ANO3: variants seen among roughly 807,000 people sequenced by gnomAD.
ANO3 encodes anoctamin-3.
Under a neutral mutation model 144.8 loss-of-function variants are expected in ANO3, and 99 were observed. That is an observed-to-expected ratio of 0.68 (90% CI 0.58 to 0.81). The LOEUF (loss-of-function observed/expected upper bound fraction) is 0.81, where lower values mean the gene tolerates loss of function less well. ANO3 is among the 30% of genes least tolerant of loss of function. ANO3 has a pLI of 0.00. For missense variants in ANO3, 905 were observed against 1,202.2 expected, an observed-to-expected ratio of 0.75 and a Z score of 3.66; for synonymous variants, 414 against 392.6, an observed-to-expected ratio of 1.05 and a Z score of -0.64.
At chr11:26,280,837 G>A (rs2133844195) in intron 1 of ANO3, among the ~76,000 whole-genome samples, 1 of 152,248 alleles carries the variant, frequency 6.6e-6, no homozygotes, top group Middle Eastern at 3.4e-3. Context: ...TGCTATACTT[G>A]GTTCTTGACA....
chr11:26,332,204 A>G lies in ANO3; in HGVS notation c.-72A>G. 1.2e-6 allele frequency: 2 copies of G among 1,613,806 alleles called. No individual in the cohort carries two copies. Among genetic ancestry groups the G allele is most frequent in the South Asian group, 1.1e-5 (1 of 91,062 alleles). On this transcript the variant is annotated 5_prime_UTR_variant, in exon 1 of 27. Transcript: ENST00000256737. ...TGAGGCTCCGGACCTTGGAGCGTCTAGAGTCTGGCTACTGTTCCTCCGCCT... is the reference window on the plus strand; with the variant it reads ...TGAGGCTCCGGACCTTGGAGCGTCTGGAGTCTGGCTACTGTTCCTCCGCCT...
intron 1 of ANO3, among the ~76,000 whole-genome samples, chr11:26,265,440 C>T (rs1407650240): frequency 6.6e-6 from 1 of 152,152 alleles, no homozygotes; most frequent in South Asian, 2.1e-4. Context: ...GGAACCTAAC[C>T]TAATAGATTC....
chr11:26,489,033 A>G (rs1339657612), intron 4 of ANO3, among the ~76,000 whole-genome samples: 2 of 152,194 alleles, frequency 1.3e-5, no homozygotes, highest in African/African-American at 4.8e-5. Flanking sequence ...TCCCTTAGCT[A>G]GACACAAAAG....
chr11:26,219,804 T>C (rs917876984), intron 1 of ANO3, among the ~76,000 whole-genome samples: 1 of 152,112 alleles, frequency 6.6e-6, no homozygotes, highest in African/African-American at 2.4e-5. Context: ...CATAACAAGC[T>C]GGTCCATCAA....
At chr11:26,486,360 C>CAA (rs10681114) in intron 4 of ANO3, among the ~76,000 whole-genome samples, 2,024 of 74,250 alleles carry the variant, frequency 0.027, 67 homozygotes, top group Non-Finnish European at 0.039. Flanking sequence ...GACTCTGTCT[C>CAA]AAAAAAAAAA....
chr11:26,232,994 G>A (rs543758762), intron 1 of ANO3, among the ~76,000 whole-genome samples: 1 of 152,268 alleles, frequency 6.6e-6, no homozygotes, highest in East Asian at 1.9e-4. Flanking sequence ...GAGGCAGGCG[G>A]ATCACGAGGT....
chr11:26,362,254 C>T (rs967800152), intron 1 of ANO3, among the ~76,000 whole-genome samples: 1 of 152,152 alleles, frequency 6.6e-6, no homozygotes, highest in Admixed American at 6.5e-5. Flanking sequence ...ATAATAAAAA[C>T]TTTATGTGTC....
intron 1 of ANO3, among the ~76,000 whole-genome samples, chr11:26,342,064 C>G (rs1318752808): frequency 2.0e-5 from 3 of 152,136 alleles, no homozygotes. Flanking sequence ...TCCTTTAACC[C>G]AGTCAAGTTG....
At chr11:26,217,683 G>A (rs753491860) in intron 1 of ANO3, among the ~76,000 whole-genome samples, 1 of 152,028 alleles carries the variant, frequency 6.6e-6, no homozygotes, top group African/African-American at 2.4e-5. Flanking sequence ...AATAGTATAT[G>A]TTCTAAAAGT....
At chr11:26,304,172 T>G (rs1207426644) in intron 1 of ANO3, among the ~76,000 whole-genome samples, 2 of 152,182 alleles carry the variant, frequency 1.3e-5, no homozygotes, top group Non-Finnish European at 2.9e-5. Context: ...ATGTACATAA[T>G]TTAATATTTT....
At chr11:26,542,181 ACCACT>A in intron 11 of ANO3, 113 bp downstream of exon 11, 1 of 1,203,866 alleles carries the variant, frequency 8.3e-7, no homozygotes, top group Non-Finnish European at 1.1e-6. Context: ...CAAAAAAGCA[ACCACT>A]ATAAGATTTT....
At chr11:26,559,587 T>C (rs146108409) in intron 13 of ANO3, 132 bp from the exon 14 acceptor site, 55 of 652,310 alleles carry the variant, frequency 8.4e-5, no homozygotes, top group African/African-American at 6.0e-4. Context: ...GGAATTCATA[T>C]ATAATATTTC....
intron 12 of ANO3, among the ~76,000 whole-genome samples, chr11:26,547,799 A>G (rs1849826490): frequency 6.6e-6 from 1 of 151,980 alleles, no homozygotes; most frequent in South Asian, 2.1e-4. Flanking sequence ...TCCTCTTTCC[A>G]GTATATACCA....
intron 3 of ANO3, among the ~76,000 whole-genome samples, chr11:26,451,539 GC>G (rs1276687557): frequency 6.6e-6 from 1 of 152,156 alleles, no homozygotes; most frequent in African/African-American, 2.4e-5. Context: ...GGGGAGGAGC[GC>G]CCGCCATTAC....
rs1850207189 is a variant in ANO3 at position 26,559,747 on chromosome 11, C to A, written c.1415C>A (p.Thr472Lys). Residue 472 changes from threonine (T) to lysine (K), a missense_variant, in exon 14 of 27, where the codon ACA (threonine) becomes AAA (lysine). By Grantham distance (78) the Thr-to-Lys change is moderately conservative. This residue lies in a region of ANO3 where 597 missense variants were observed against 865.1 expected (regional missense o/e 0.69). Coordinates refer to ENST00000256737, the MANE Select transcript of ANO3 (RefSeq NM_031418.4). ...KVTYLFDNGGTVFFAIFMAIW... is the reference protein window; with the variant it reads ...KVTYLFDNGGKVFFAIFMAIW... Reference sequence around the variant, plus strand: ...ACATATTTGTTCGATAATGGAGGGACAGTCTTCTTTGCTATTTTTATGGCA... The same window carrying A: ...ACATATTTGTTCGATAATGGAGGGAAAGTCTTCTTTGCTATTTTTATGGCA... 6.2e-6 allele frequency: 10 copies of A among 1,611,578 alleles called. No homozygotes were observed. Among genetic ancestry groups the A allele is most frequent in the Non-Finnish European group, 8.5e-6 (10 of 1,178,378 alleles).
chr11:26,592,937 G>C (rs1489781578), intron 14 of ANO3, among the ~76,000 whole-genome samples: 2 of 152,064 alleles, frequency 1.3e-5, no homozygotes, highest in Non-Finnish European at 2.9e-5. Context: ...GTTTCCCGGA[G>C]GGGATTACTC....
chr11:26,639,813 A>C (rs887084551), intron 21 of ANO3, among the ~76,000 whole-genome samples: 6 of 152,186 alleles, frequency 3.9e-5, no homozygotes, highest in Admixed American at 1.3e-4. Flanking sequence ...AGAGGTGTTG[A>C]ATGCTCACTT....
chr11:26,617,067 G>A (rs563452671), intron 17 of ANO3, among the ~76,000 whole-genome samples: 37 of 152,238 alleles, frequency 2.4e-4, no homozygotes, highest in African/African-American at 6.5e-4. Context: ...CACCGTGCCC[G>A]GCCCAAAATA....
chr11:26,349,698 G>A (rs1426339164), intron 1 of ANO3, among the ~76,000 whole-genome samples: 1 of 151,926 alleles, frequency 6.6e-6, no homozygotes, highest in African/African-American at 2.4e-5. Context: ...TCAGGCGCCC[G>A]CCACCGAGCC....
Sources: gnomAD v4.1 joint callset for allele counts (sites outside exome capture counted in the v4.1 genomes callset) on GRCh38, gnomAD v4.1.1 for gene constraint, gnomAD v4.1.1 regional missense constraint, MANE v1.5 for transcripts, NCBI Gene and HGNC (gene_info 2026-07-23, HGNC 2026-07-21) for gene names.